Variants in TENT5D observed in about 807,000 individuals in gnomAD.
TENT5D encodes the protein cancer/testis antigen 112.
For missense variants in TENT5D, 191 were observed against 287.0 expected, an observed-to-expected ratio of 0.67 and a Z score of 2.42; for synonymous variants, 103 against 100.6, an observed-to-expected ratio of 1.02 and a Z score of -0.15.
At chrX:80,401,978 C>T (rs1285556071) in intron 3 of TENT5D, among the ~76,000 whole-genome samples, 2 of 111,717 alleles carry the variant, frequency 1.8e-5, no homozygotes, top group Non-Finnish European at 3.8e-5. Context: ...TTGGTATTAG[C>T]TGTTCTTTAA....
chrX:80,374,039 A>G (rs1448691754), intron 3 of TENT5D, among the ~76,000 whole-genome samples: 2 of 110,437 alleles, frequency 1.8e-5, no homozygotes, highest in Non-Finnish European at 3.8e-5. Context: ...TGTTTCCCCT[A>G]TGTGTCCATT....
intron 2 of TENT5D, among the ~76,000 whole-genome samples, chrX:80,340,831 C>G (rs907934219): frequency 8.9e-6 from 1 of 111,977 alleles, no homozygotes; most frequent in Non-Finnish European, 1.9e-5. Flanking sequence ...AGAATCACCC[C>G]CAGATAACCA....
exon 3 of TENT5D, chrX:80,443,708 A>T (rs1339554927): frequency 4.3e-6 from 5 of 1,158,117 alleles, no homozygotes; most frequent in Non-Finnish European, 4.6e-6. Context: ...GGTATGAGTT[A>T]AAAAATACAC....
chrX:80,409,018 T>C (rs1931570505), intron 3 of TENT5D, among the ~76,000 whole-genome samples: 1 of 110,845 alleles, frequency 9.0e-6, no homozygotes, highest in Admixed American at 9.6e-5. Context: ...TCTCAATAGA[T>C]GCAGAAAAAG....
intron 3 of TENT5D, among the ~76,000 whole-genome samples, chrX:80,368,530 C>T (rs66487571): frequency 0.097 from 10,776 of 111,053 alleles, 521 homozygotes; most frequent in African/African-American, 0.18. Context: ...CCCGGTGCCT[C>T]GTAGGTATTT....
intron 1 of TENT5D, among the ~76,000 whole-genome samples, chrX:80,427,603 C>CATTACACACACAACACATGTATA (rs1932010125): frequency 9.0e-6 from 1 of 111,580 alleles, no homozygotes; most frequent in African/African-American, 3.3e-5. Context: ...CTTAAATAGA[C>CATTACACACACAACACATGTATA]ATTACACACA....
chrX:80,364,418 C>T (rs1056096982), intron 3 of TENT5D, among the ~76,000 whole-genome samples: 5 of 111,216 alleles, frequency 4.5e-5, no homozygotes, highest in Non-Finnish European at 9.4e-5. Flanking sequence ...ATTATTAGTT[C>T]CTATGGACTC....
chrX:80,359,612 A>G (rs888795433), intron 3 of TENT5D, among the ~76,000 whole-genome samples: 1 of 110,745 alleles, frequency 9.0e-6, no homozygotes, highest in Non-Finnish European at 1.9e-5. Flanking sequence ...CAGGGAGGGG[A>G]ACATCACACA....
At chrX:80,337,888 C>T (rs758457322) in intron 2 of TENT5D, among the ~76,000 whole-genome samples, 10 of 110,704 alleles carry the variant, frequency 9.0e-5, no homozygotes, top group Admixed American at 6.7e-4. Context: ...CCTCAGCCTC[C>T]CGAGTAGCTG....
chrX:80,397,101 T>C (rs1369766282), intron 3 of TENT5D, among the ~76,000 whole-genome samples: 5 of 74,385 alleles, frequency 6.7e-5, no homozygotes, highest in East Asian at 4.9e-4. Context: ...GACGGGGTGG[T>C]TGCCGGGCGG....
At chrX:80,380,790 T>A (rs1328563753) in intron 3 of TENT5D, among the ~76,000 whole-genome samples, 1 of 111,434 alleles carries the variant, frequency 9.0e-6, no homozygotes, top group African/African-American at 3.3e-5. Context: ...CCCCTGCTTT[T>A]TTTTGCTTTC....
At chrX:80,443,150 C>G in exon 3 of TENT5D, 1 of 1,211,032 alleles carries the variant, frequency 8.3e-7, no homozygotes. Context: ...GTTGTGGTAG[C>G]TGAAAGCATG....
At chrX:80,408,291 CA>C (rs1325575336) in intron 3 of TENT5D, among the ~76,000 whole-genome samples, 8 of 105,990 alleles carry the variant, frequency 7.5e-5, no homozygotes, top group African/African-American at 2.4e-4. Flanking sequence ...AAAAACCCTT[CA>C]AAAAATTAAT....
intron 1 of TENT5D, among the ~76,000 whole-genome samples, chrX:80,428,998 C>T (rs749189027): frequency 9.0e-6 from 1 of 111,504 alleles, no homozygotes; most frequent in Non-Finnish European, 1.9e-5. Flanking sequence ...AGGAAGTTTA[C>T]CTTCCTCCCT....
intron 3 of TENT5D, among the ~76,000 whole-genome samples, chrX:80,353,693 T>C (rs2147517937): frequency 8.9e-6 from 1 of 112,334 alleles, no homozygotes; most frequent in South Asian, 3.7e-4. Context: ...GGTCATTGAG[T>C]TTGATTCCAT....
chrX:80,441,772 T>C (rs1353666423), intron 2 of TENT5D, among the ~76,000 whole-genome samples: 1 of 111,404 alleles, frequency 9.0e-6, no homozygotes, highest in Admixed American at 9.6e-5. Context: ...TGAACATTTT[T>C]TAAAGCTTAG....
rs777938219 is a variant in TENT5D at position 80,436,610 on chromosome X, A to C, written c.-141-2000A>C. Reference sequence around the variant, plus strand: ...CTGTGTCCATGTGTTCTCACTGTTCAACTCCCACTTATGAGTGAGAACCTG... The same window carrying C: ...CTGTGTCCATGTGTTCTCACTGTTCCACTCCCACTTATGAGTGAGAACCTG... On this transcript the variant is annotated intron_variant, in intron 1 of 2. Coordinates refer to ENST00000308293, the Ensembl canonical transcript of TENT5D. Among the ~76,000 whole-genome samples, 5 of 110,341 alleles carry C rather than the reference A, an allele frequency of 4.5e-5. No homozygotes were observed. In the East Asian group the frequency reaches 1.4e-3, roughly 32 times the overall value.
chrX:80,408,087 G>A (rs1931545847), intron 3 of TENT5D, among the ~76,000 whole-genome samples: 1 of 109,407 alleles, frequency 9.1e-6, no homozygotes, highest in African/African-American at 3.3e-5. Flanking sequence ...GAATCTCTGG[G>A]ACACATTCAA....
chrX:80,377,190 A>G (rs1930746007), intron 3 of TENT5D, among the ~76,000 whole-genome samples: 1 of 111,830 alleles, frequency 8.9e-6, no homozygotes, highest in Non-Finnish European at 1.9e-5. Context: ...TTAATTGATT[A>G]TAATGTTGCT....
Sources: gnomAD v4.1 joint callset for allele counts (sites outside exome capture counted in the v4.1 genomes callset) on GRCh38, gnomAD v4.1.1 for gene constraint, MANE v1.5 for transcripts, NCBI Gene and HGNC (gene_info 2026-07-23, HGNC 2026-07-21) for gene names.